Variants in CCDC198 observed in about 807,000 individuals in gnomAD.
CCDC198 encodes the protein coiled-coil domain containing 198, also known as factor associated with metabolism and energy.
Under a neutral mutation model 35.6 loss-of-function variants are expected in CCDC198, and 18 were observed. That is an observed-to-expected ratio of 0.51 (90% CI 0.35 to 0.75). The LOEUF (loss-of-function observed/expected upper bound fraction) is 0.75, where lower values mean the gene tolerates loss of function less well. Ranked by LOEUF, CCDC198 falls within the 30% of genes least tolerant of loss-of-function variation. The probability of loss-of-function intolerance (pLI) is 0.01; values close to 1 mark genes in which losing one functional copy is unlikely to be tolerated. For synonymous variants in CCDC198, 119 were observed against 113.4 expected (o/e 1.05, Z -0.31); for missense variants, 365 against 343.7 (o/e 1.06, Z -0.49).
chr14:57,476,762 A>G (rs1018707189), intron 5 of CCDC198, among the ~76,000 whole-genome samples: 9 of 152,180 alleles, frequency 5.9e-5, no homozygotes, highest in Non-Finnish European at 1.0e-4. Flanking sequence ...GAGGAACCTT[A>G]ATGACCAGAC....
Position 57,486,903 on chromosome 14 carries a change from G to A in CCDC198, c.307-3752C>T, listed in dbSNP as rs146242496. ...TCTCCAGGTTGAGTTTCTCCCTGGCGTTTGAAAAGAGCCCAAGGAATCACA... is the reference window on the plus strand; with the variant it reads ...TCTCCAGGTTGAGTTTCTCCCTGGCATTTGAAAAGAGCCCAAGGAATCACA... On this transcript the variant is annotated intron_variant, in intron 2 of 5. Transcript: ENST00000216445. Among the ~76,000 whole-genome samples, 109 of 152,224 alleles carry A rather than the reference G, an allele frequency of 7.2e-4. 2 individuals are homozygous for A. In the East Asian group the frequency reaches 0.015, roughly 21 times the overall value.
intron 5 of CCDC198, among the ~76,000 whole-genome samples, chr14:57,476,019 T>G (rs1351235258): frequency 6.6e-6 from 1 of 151,830 alleles, no homozygotes; most frequent in Non-Finnish European, 1.5e-5. Context: ...GCCAGGCTGG[T>G]CTCGAGCTCC....
intron 5 of CCDC198, chr14:57,479,151 C>T: frequency 1.4e-6 from 1 of 716,772 alleles, no homozygotes; most frequent in African/African-American, 1.8e-5. Context: ...ACAATTTGGC[C>T]TGGCTGAAAT....
At chr14:57,485,199 G>A (rs2067318031) in intron 2 of CCDC198, among the ~76,000 whole-genome samples, 1 of 152,178 alleles carries the variant, frequency 6.6e-6, no homozygotes, top group South Asian at 2.1e-4. Flanking sequence ...AGAGGTCTGT[G>A]CTGGAGATTT....
intron 5 of CCDC198, among the ~76,000 whole-genome samples, chr14:57,471,877 C>T (rs913916488): frequency 6.6e-6 from 1 of 151,660 alleles, no homozygotes; most frequent in Non-Finnish European, 1.5e-5. Flanking sequence ...TGCCACAATA[C>T]TTTTTCATCA....
At chr14:57,488,075 T>C (rs1019958860) in intron 2 of CCDC198, among the ~76,000 whole-genome samples, 1 of 152,138 alleles carries the variant, frequency 6.6e-6, no homozygotes, top group Non-Finnish European at 1.5e-5. Flanking sequence ...CCTAGGAATC[T>C]GGAATTGGAG....
chr14:57,487,310 G>A (rs911032275), intron 2 of CCDC198, among the ~76,000 whole-genome samples: 6 of 152,200 alleles, frequency 3.9e-5, no homozygotes, highest in Non-Finnish European at 8.8e-5. Context: ...TCTGCTAGGA[G>A]ATTTGGGAAT....
chr14:57,475,185 C>T (rs766557193), intron 5 of CCDC198: 16 of 241,752 alleles, frequency 6.6e-5, no homozygotes, highest in Admixed American at 5.9e-4. Flanking sequence ...GGCGTGAACC[C>T]GGGAGGCGGA....
At chr14:57,475,707 TAAAAAA>T (rs35649947) in intron 5 of CCDC198, 2 of 361,664 alleles carry the variant, frequency 5.5e-6, no homozygotes, top group African/African-American at 2.6e-5. Flanking sequence ...AACTCTGTCT[TAAAAAA>T]AAAAAAAAAA....
chr14:57,475,932 G>A (rs914781964), intron 5 of CCDC198, among the ~76,000 whole-genome samples: 1 of 149,808 alleles, frequency 6.7e-6, no homozygotes, highest in Non-Finnish European at 1.5e-5. Context: ...CTCCCCAGTA[G>A]TTGGGATTAC....
rs2066789012 is a variant in CCDC198 at position 57,470,042 on chromosome 14, T to A, written c.*1313A>T. 6.6e-6 allele frequency: 1 copy of A among 152,218 alleles called. No homozygotes were observed. Among genetic ancestry groups the A allele is most frequent in the Admixed American group, 6.5e-5 (1 of 15,282 alleles). 9.4% of individuals were successfully genotyped at this position (152,218 alleles called of 1,614,324 possible). On this transcript the variant is annotated 3_prime_UTR_variant, in exon 6 of 6. Transcript: ENST00000216445. ...TCTTAAAAATTGTCCCAAAAGCTAA[T>A]TTTTCCAAGTGGAATAACTTTAGAA...
chr14:57,476,878 A>C (rs2067015414), intron 5 of CCDC198, among the ~76,000 whole-genome samples: 1 of 152,222 alleles, frequency 6.6e-6, no homozygotes, highest in Non-Finnish European at 1.5e-5. Context: ...CTACTTTTAG[A>C]AGGCGTGGAA....
intron 4 of CCDC198, 94 bp from the exon 5 acceptor site, chr14:57,480,848 T>G: frequency 7.7e-7 from 1 of 1,302,474 alleles, no homozygotes; most frequent in Middle Eastern, 2.0e-4. Flanking sequence ...GTTGTGTGCT[T>G]ATCTGTAGAC....
At chr14:57,488,200 T>C (rs1699358566) in intron 2 of CCDC198, among the ~76,000 whole-genome samples, 1 of 152,180 alleles carries the variant, frequency 6.6e-6, no homozygotes, top group Non-Finnish European at 1.5e-5. Context: ...AGAAAGAGTA[T>C]AGCAAATGCA....
At chr14:57,473,021 AT>A (rs2066868765) in intron 5 of CCDC198, among the ~76,000 whole-genome samples, 1 of 152,228 alleles carries the variant, frequency 6.6e-6, no homozygotes, top group South Asian at 2.1e-4. Flanking sequence ...ATATAAGAAA[AT>A]CAAGTATTTC....
chr14:57,481,711 GC>G, intron 3 of CCDC198, 51 bp from the exon 4 acceptor site: 1 of 1,137,132 alleles, frequency 8.8e-7, no homozygotes, highest in Non-Finnish European at 1.3e-6. Flanking sequence ...TACTGACTCT[GC>G]AATTCACAAG....
intron 5 of CCDC198, chr14:57,478,826 C>T (rs2067088905): frequency 2.7e-6 from 3 of 1,124,796 alleles, no homozygotes; most frequent in Non-Finnish European, 2.2e-6. Context: ...ATTGATCGAG[C>T]GTCTTGTTTC....
chr14:57,492,508 C>G (rs564741839), intron 1 of CCDC198, among the ~76,000 whole-genome samples: 1 of 152,024 alleles, frequency 6.6e-6, no homozygotes, highest in Non-Finnish European at 1.5e-5. Flanking sequence ...TCACCTATCC[C>G]TCTATCTATC....
At chr14:57,483,187 C>A (rs1445319440) in intron 2 of CCDC198, 36 bp from the exon 3 acceptor site, 4 of 1,613,832 alleles carry the variant, frequency 2.5e-6, no homozygotes, top group Non-Finnish European at 3.4e-6. Flanking sequence ...CAGCATTCCT[C>A]ATGCCATGAG....
Sources: allele counts gnomAD v4.1 joint callset (sites outside exome capture counted in the v4.1 genomes callset), GRCh38; gene constraint gnomAD v4.1.1; transcripts MANE v1.5; gene names NCBI Gene and HGNC (gene_info 2026-07-23, HGNC 2026-07-21).